The following MAPKAP1 variants were observed in gnomAD, a reference collection of about 807,000 sequenced individuals.
MAPKAP1 encodes target of rapamycin complex 2 subunit MAPKAP1.
MAPKAP1 carries 20 observed loss-of-function variants against 65.7 expected under a neutral mutation model. That is an observed-to-expected ratio of 0.30 (90% CI 0.21 to 0.44). The LOEUF (loss-of-function observed/expected upper bound fraction) is 0.44. Ranked by LOEUF, MAPKAP1 falls within the 20% of genes least tolerant of loss-of-function variation. MAPKAP1 has a pLI of 1.00. For missense variants in MAPKAP1, 423 were observed against 648.0 expected, an observed-to-expected ratio of 0.65 and a Z score of 3.77; for synonymous variants, 222 against 244.3, an observed-to-expected ratio of 0.91 and a Z score of 0.85.
intron 7 of MAPKAP1, among the ~76,000 whole-genome samples, chr9:125,537,134 C>CA (rs1360384457): frequency 1.3e-5 from 2 of 152,042 alleles, no homozygotes; most frequent in Non-Finnish European, 2.9e-5. Flanking sequence ...GCTTTGAGGT[C>CA]AAAAAAGCCT....
chr9:125,556,683 C>T (rs898770805), intron 6 of MAPKAP1, among the ~76,000 whole-genome samples: 5 of 152,106 alleles, frequency 3.3e-5, no homozygotes, highest in African/African-American at 1.2e-4. Context: ...GGGGAAATGA[C>T]GAGGAGGAGT....
intron 1 of MAPKAP1, among the ~76,000 whole-genome samples, chr9:125,680,344 T>C (rs188118126): frequency 1.3e-5 from 2 of 152,326 alleles, no homozygotes; most frequent in East Asian, 3.9e-4. Flanking sequence ...TCCTTTGATC[T>C]AGTTAAAGCT....
intron 4 of MAPKAP1, among the ~76,000 whole-genome samples, chr9:125,622,757 T>C (rs961447814): frequency 6.6e-6 from 1 of 151,862 alleles, no homozygotes; most frequent in Admixed American, 6.6e-5. Context: ...TATGTACAAT[T>C]ATTACATGTC....
At chr9:125,658,202 A>G (rs912790262) in intron 3 of MAPKAP1, among the ~76,000 whole-genome samples, 8 of 152,180 alleles carry the variant, frequency 5.3e-5, no homozygotes, top group Middle Eastern at 3.2e-3. Flanking sequence ...CCTGCCTGTA[A>G]TATTATGTGA....
At chr9:125,489,228 T>C (rs146261993) in intron 8 of MAPKAP1, among the ~76,000 whole-genome samples, 21 of 152,302 alleles carry the variant, frequency 1.4e-4, no homozygotes, top group African/African-American at 2.6e-4. Flanking sequence ...TATAACCCAT[T>C]GGTATTTTGT....
chr9:125,522,939 T>G (rs1829661028), intron 7 of MAPKAP1, among the ~76,000 whole-genome samples: 1 of 152,172 alleles, frequency 6.6e-6, no homozygotes, highest in Admixed American at 6.5e-5. Flanking sequence ...CTTGTCAAAA[T>G]CACATCCCTC....
At chr9:125,453,697 C>G (rs1441986892) in intron 10 of MAPKAP1, among the ~76,000 whole-genome samples, 1 of 152,160 alleles carries the variant, frequency 6.6e-6, no homozygotes, top group Non-Finnish European at 1.5e-5. Flanking sequence ...TTTCCCCTTG[C>G]CTGCTTTTGT....
Position 125,698,299 on chromosome 9 carries a change from AT to A in MAPKAP1, c.-70+8671del, listed in dbSNP as rs1835473437. ...ACATAATATATATAAATATATATATATATATATATATATATATATATATATA... is the reference window on the plus strand; with the variant it reads ...ACATAATATATATAAATATATATATAATATATATATATATATATATATATA... On this transcript the variant is annotated intron_variant, in intron 1 of 11. Transcript: ENST00000265960. Among the ~76,000 whole-genome samples the A allele has an allele frequency of 2.9e-3, 39 of 13,370 alleles. 1 individual carries two copies. The East Asian group carries it at 0.037, about 13-fold the overall frequency. The allele number at this position is 13,370 out of a possible 152,430, so 8.8% of individuals were successfully genotyped here. A position where few individuals can be genotyped will look rare whatever the true frequency, so the allele number is the denominator to read the frequency against.
chr9:125,507,271 A>G (rs1241143826), intron 7 of MAPKAP1, among the ~76,000 whole-genome samples: 11 of 152,228 alleles, frequency 7.2e-5, no homozygotes, highest in African/African-American at 1.9e-4. Flanking sequence ...TAACGGGTCC[A>G]ATGATCAGAT....
At position 125,503,880 on chromosome 9, in the gene MAPKAP1, C is replaced by CTTTTTTTTTTTTTTTTTTTT. The variant is rs35867576; in HGVS notation, c.1066+2410_1066+2429dup. On this transcript the variant is annotated intron_variant, in intron 8 of 11. Transcript: ENST00000265960. ...TATAGGCACCCGCCACCACGCTTGGCTTTTTTTTTTTTTTTTTTTTTTTTT... is the reference window on the plus strand; with the variant it reads ...TATAGGCACCCGCCACCACGCTTGGCTTTTTTTTTTTTTTTTTTTTTTTTTTTTTTTTTTTTTTTTTTTTT... Among the ~76,000 whole-genome samples, 30 of 66,244 alleles carry CTTTTTTTTTTTTTTTTTTTT rather than the reference C, an allele frequency of 4.5e-4. 3 individuals carry two copies. The highest frequency in any genetic ancestry group is 1.2e-3 in the South Asian group (2 of 1,680). 43.5% of individuals were successfully genotyped at this position (66,244 alleles called of 152,430 possible).
At chr9:125,660,530 T>C (rs771434361) in intron 3 of MAPKAP1, among the ~76,000 whole-genome samples, 1 of 152,210 alleles carries the variant, frequency 6.6e-6, no homozygotes, top group Non-Finnish European at 1.5e-5. Flanking sequence ...CTCCCTGAAA[T>C]TATAGACATC....
chr9:125,660,374 A>C (rs1834148991), intron 3 of MAPKAP1, among the ~76,000 whole-genome samples: 1 of 152,170 alleles, frequency 6.6e-6, no homozygotes, highest in Non-Finnish European at 1.5e-5. Flanking sequence ...TGTCTGTCAA[A>C]AGTCACTGAG....
At chr9:125,455,717 G>C (rs1853139116) in intron 10 of MAPKAP1, among the ~76,000 whole-genome samples, 1 of 152,184 alleles carries the variant, frequency 6.6e-6, no homozygotes, top group Non-Finnish European at 1.5e-5. Context: ...TGCCTGACAG[G>C]CCATACAAAA....
chr9:125,592,950 T>C (rs1305865948), intron 4 of MAPKAP1, among the ~76,000 whole-genome samples: 1 of 144,112 alleles, frequency 6.9e-6, no homozygotes, highest in Non-Finnish European at 1.5e-5. Flanking sequence ...TGACAGGCTG[T>C]TGGAAAAAGT....
chr9:125,494,073 C>T (rs1854841520), intron 8 of MAPKAP1, among the ~76,000 whole-genome samples: 1 of 152,178 alleles, frequency 6.6e-6, no homozygotes, highest in African/African-American at 2.4e-5. Flanking sequence ...ACCTAACTCT[C>T]CACTCCCTCG....
intron 11 of MAPKAP1, among the ~76,000 whole-genome samples, chr9:125,440,931 T>A (rs1271380377): frequency 6.6e-6 from 1 of 152,250 alleles, no homozygotes; most frequent in Non-Finnish European, 1.5e-5. Flanking sequence ...AAAAGCATTT[T>A]AAAATGATCC....
chr9:125,577,293 G>A (rs553842884), intron 5 of MAPKAP1, among the ~76,000 whole-genome samples: 4 of 150,584 alleles, frequency 2.7e-5, no homozygotes, highest in South Asian at 2.1e-4. Context: ...CAGCCGTCCC[G>A]TCTGAGAAGT....
At chr9:125,653,433 G>C (rs1168251918) in intron 4 of MAPKAP1, among the ~76,000 whole-genome samples, 1 of 152,142 alleles carries the variant, frequency 6.6e-6, no homozygotes, top group Non-Finnish European at 1.5e-5. Context: ...GGGAAATTTT[G>C]CAAACCCTGT....
At chr9:125,592,173 T>C (rs1464897802) in intron 4 of MAPKAP1, among the ~76,000 whole-genome samples, 1 of 152,180 alleles carries the variant, frequency 6.6e-6, no homozygotes, top group African/African-American at 2.4e-5. Flanking sequence ...GGTCTCACTG[T>C]ACAATGTCAC....
Sources: gnomAD v4.1 joint callset for allele counts (sites outside exome capture counted in the v4.1 genomes callset) on GRCh38, gnomAD v4.1.1 for gene constraint, MANE v1.5 for transcripts, NCBI Gene and HGNC (gene_info 2026-07-23, HGNC 2026-07-21) for gene names.